ABCA12: variants seen among roughly 807,000 people sequenced by gnomAD.
ABCA12 encodes ATP binding cassette subfamily A member 12, also known as glucosylceramide transporter ABCA12.
In ABCA12, 156 loss-of-function variants were observed where a neutral mutation model predicts 293.5. That is an observed-to-expected ratio of 0.53 (90% CI 0.47 to 0.61). ABCA12 has a LOEUF of 0.61. Ranked by LOEUF, ABCA12 falls within the 20% of genes least tolerant of loss-of-function variation. ABCA12 has a pLI of 0.00. For synonymous variants in ABCA12, 1,063 were observed against 1,108.0 expected, an observed-to-expected ratio of 0.96 and a Z score of 0.81; for missense variants, 2,797 against 3,090.2, an observed-to-expected ratio of 0.91 and a Z score of 2.25.
At chr2:215,049,290 T>C (rs1559166532) in intron 6 of ABCA12, among the ~76,000 whole-genome samples, 1 of 152,206 alleles carries the variant, frequency 6.6e-6, no homozygotes. Context: ...AGTTTAATTA[T>C]TAAACTTGTA....
chr2:215,065,878 G>T (rs543335863), intron 2 of ABCA12, among the ~76,000 whole-genome samples: 1 of 152,172 alleles, frequency 6.6e-6, no homozygotes, highest in Admixed American at 6.6e-5. Context: ...ATGAATGAAA[G>T]ATTTGAAAAC....
Position 214,974,881 on chromosome 2 carries a change from C to A in ABCA12, c.5382-17G>T. 1 of 1,606,516 alleles carries A rather than the reference C, an allele frequency of 6.2e-7. No individual in the cohort carries two copies. Among genetic ancestry groups the A allele is most frequent in the Non-Finnish European group, 8.5e-7 (1 of 1,173,276 alleles). On this transcript the variant is annotated splice_polypyrimidine_tract_variant and intron_variant, in intron 34 of 52. Coordinates refer to ENST00000272895, the MANE Select transcript of ABCA12 (RefSeq NM_173076.3). ...TGATAATTACTGCAATATGAAAGGA[C>A]AGAAACAAATTCATGATTTTTCTAC...
chr2:215,132,578 C>A lies in ABCA12; in HGVS notation c.69+5562G>T, dbSNP rs1575064589. 2.0e-5 allele frequency among the ~76,000 whole-genome samples: 3 copies of A among 151,480 alleles called. No homozygotes were observed. In the South Asian group the frequency reaches 6.3e-4, roughly 32 times the overall value. On this transcript the variant is annotated intron_variant, in intron 1 of 52. Coordinates refer to ENST00000272895, the MANE Select transcript of ABCA12 (RefSeq NM_173076.3). ...GCTATTCCTGCTTGCTTTTCTTTTCCATTTGTGTGATATATCTTTTTCTAC... is the reference window on the plus strand; with the variant it reads ...GCTATTCCTGCTTGCTTTTCTTTTCAATTTGTGTGATATATCTTTTTCTAC...
At chr2:215,082,379 A>C (rs557054246) in intron 2 of ABCA12, among the ~76,000 whole-genome samples, 163 of 152,126 alleles carry the variant, frequency 1.1e-3, no homozygotes, top group African/African-American at 3.5e-3. Flanking sequence ...CTCAGGATAA[A>C]ACCCACCCCT....
intron 2 of ABCA12, among the ~76,000 whole-genome samples, chr2:215,110,607 A>G (rs1048848200): frequency 4.6e-5 from 7 of 152,214 alleles, no homozygotes; most frequent in Non-Finnish European, 1.0e-4. Flanking sequence ...CCACTAACTG[A>G]GTTGACATTT....
chr2:215,007,942 A>T, intron 18 of ABCA12, 96 bp from the exon 19 acceptor site: 1 of 1,496,366 alleles, frequency 6.7e-7, no homozygotes, highest in Non-Finnish European at 9.2e-7. Flanking sequence ...TAACTTCAAA[A>T]GACAGTTCTA....
intron 37 of ABCA12, among the ~76,000 whole-genome samples, 181 bp downstream of exon 37, chr2:214,970,092 T>G (rs964971165): frequency 2.2e-4 from 34 of 152,100 alleles, no homozygotes; most frequent in Non-Finnish European, 2.6e-4. Context: ...TTCCATTTGC[T>G]CAAATAAATC....
Position 214,986,670 on chromosome 2 carries a change from C to G in ABCA12, c.4035G>C (p.Gly1345=), listed in dbSNP as rs757204233. The change falls in exon 28 of 53, where the codon GGG becomes GGC. Residue 1345 remains glycine, a synonymous_variant. Transcript: ENST00000272895. ...TCTTTGTGACCCCATGCAGGGCAAC[C>G]CCGACTGTGAGATCTTTAGGTTCAG... The part of the protein sequence containing the change: ...IEPEPKDLTV[G]VALHGVTKIY... 6.2e-7 allele frequency: 1 copy of G among 1,613,922 alleles called. No individual in the cohort carries two copies. The highest frequency in any genetic ancestry group is 1.7e-5 in the Admixed American group (1 of 59,990).
At chr2:214,956,601 A>T in intron 42 of ABCA12, 62 bp downstream of exon 42, 1 of 1,222,806 alleles carries the variant, frequency 8.2e-7, no homozygotes, top group African/African-American at 1.5e-5. Flanking sequence ...TTTAAGTCCT[A>T]TTTGTGTCTA....
At chr2:214,974,493 T>C (rs1255930622) in intron 35 of ABCA12, among the ~76,000 whole-genome samples, 1 of 152,190 alleles carries the variant, frequency 6.6e-6, no homozygotes, top group African/African-American at 2.4e-5. Flanking sequence ...GGGCCTCAGT[T>C]CTTTATCTGT....
chr2:215,061,954 C>T (rs1701536535), intron 3 of ABCA12, among the ~76,000 whole-genome samples: 1 of 151,874 alleles, frequency 6.6e-6, no homozygotes, highest in African/African-American at 2.4e-5. Flanking sequence ...TAATTATGTC[C>T]CTTATAGTTC....
chr2:215,121,213 C>T (rs1013101947), intron 1 of ABCA12, among the ~76,000 whole-genome samples: 28 of 152,182 alleles, frequency 1.8e-4, no homozygotes, highest in Non-Finnish European at 3.7e-4. Context: ...TCTGGCTACA[C>T]TAGCAGAGTT....
intron 18 of ABCA12, 25 bp downstream of exon 18, chr2:215,010,306 A>G: frequency 1.2e-6 from 2 of 1,613,238 alleles, no homozygotes; most frequent in Non-Finnish European, 1.7e-6. Flanking sequence ...TAGTCAAAAT[A>G]GAAACTGAGT....
At chr2:214,989,210 A>ATATATATATATATAT (rs60341150) in intron 26 of ABCA12, 119 bp downstream of exon 26, 334 of 149,182 alleles carry the variant, frequency 2.2e-3, no homozygotes, top group Middle Eastern at 5.5e-3. Context: ...ATATATATAT[A>ATATATATATATATAT]ATATTTTTAT....
intron 2 of ABCA12, among the ~76,000 whole-genome samples, chr2:215,082,968 T>G (rs2106096714): frequency 6.6e-6 from 1 of 152,314 alleles, no homozygotes; most frequent in South Asian, 2.1e-4. Context: ...TCAATGATAT[T>G]TGTAAGTAAA....
rs773101653 is a variant in ABCA12 at position 214,991,063 on chromosome 2, A to G, written c.3295-32T>C. 5 of 1,574,462 alleles carry G rather than the reference A, an allele frequency of 3.2e-6. No individual in the cohort carries two copies. The Admixed American group carries it at 8.3e-5, about 26-fold the overall frequency. ...GAAGAAAAAATGTGAGGCGCTTGTT[A>G]TGCTGATATTCTTCCAAATAAAAAT... is the stretch of plus-strand genomic sequence containing the variant. On this transcript the variant is annotated intron_variant, in intron 23 of 52. Transcript: ENST00000272895.
Position 215,025,654 on chromosome 2 carries a change from T to A in ABCA12, c.1287+19A>T. On this transcript the variant is annotated intron_variant, in intron 11 of 52. Coordinates refer to ENST00000272895, the MANE Select transcript of ABCA12 (RefSeq NM_173076.3). ...TTTTTTTTTTTGTTTTTTGTTTTTT[T>A]TTTACTTTCATGGCTTACTTTTGAT... The A allele has an allele frequency of 6.5e-7, 1 of 1,526,794 alleles. No homozygotes were observed. The highest frequency in any genetic ancestry group is 8.9e-7 in the Non-Finnish European group (1 of 1,123,660). 94.6% of individuals were successfully genotyped at this position (1,526,794 alleles called of 1,614,324 possible).
chr2:215,082,251 G>C (rs888710024), intron 2 of ABCA12, among the ~76,000 whole-genome samples: 1 of 151,580 alleles, frequency 6.6e-6, no homozygotes, highest in Non-Finnish European at 1.5e-5. Context: ...CACCATCTTG[G>C]CCAGGCTGGT....
chr2:215,054,028 G>A (rs1213083587), intron 4 of ABCA12, among the ~76,000 whole-genome samples: 1 of 152,052 alleles, frequency 6.6e-6, no homozygotes, highest in African/African-American at 2.4e-5. Context: ...TGGCCTAGAT[G>A]TGAAGCAAGT....
Sources: gnomAD v4.1 joint callset for allele counts (sites outside exome capture counted in the v4.1 genomes callset) on GRCh38, gnomAD v4.1.1 for gene constraint, MANE v1.5 for transcripts, NCBI Gene and HGNC (gene_info 2026-07-23, HGNC 2026-07-21) for gene names.